The following ATP10B variants were observed in gnomAD, a reference collection of about 807,000 sequenced individuals.
ATP10B encodes ATPase phospholipid transporting 10B (putative).
ATP10B carries 122 observed loss-of-function variants against 141.2 expected under a neutral mutation model. That is an observed-to-expected ratio of 0.86 (90% CI 0.75 to 1.00). ATP10B has a LOEUF of 1.00. Ranked by LOEUF, ATP10B falls within the 50% of genes least tolerant of loss-of-function variation. The pLI, the probability that ATP10B is intolerant of heterozygous loss-of-function variation, is 0.00. For synonymous variants in ATP10B, 685 were observed against 692.0 expected, an observed-to-expected ratio of 0.99 and a Z score of 0.16; for missense variants, 1,876 against 1,825.3, an observed-to-expected ratio of 1.03 and a Z score of -0.51.
At chr5:160,586,736 C>G (rs1424021774) in intron 24 of ATP10B, among the ~76,000 whole-genome samples, 2 of 152,158 alleles carry the variant, frequency 1.3e-5, no homozygotes, top group East Asian at 3.8e-4. Flanking sequence ...TGATGTTGAG[C>G]TTTTTTTCAT....
At chr5:160,686,346 AC>A in intron 5 of ATP10B, 73 bp from the exon 6 acceptor site, 2 of 1,205,788 alleles carry the variant, frequency 1.7e-6, no homozygotes, top group South Asian at 3.9e-5. Flanking sequence ...TTTCTTCCCT[AC>A]TGTTTGGCCT....
chr5:160,808,239 GA>G (rs1283895421), intron 1 of ATP10B, among the ~76,000 whole-genome samples: 1 of 152,036 alleles, frequency 6.6e-6, no homozygotes. Flanking sequence ...GTTTGTGTAA[GA>G]AAAAAAGAAG....
chr5:160,723,144 T>A (rs982459119), intron 2 of ATP10B, among the ~76,000 whole-genome samples: 3 of 152,234 alleles, frequency 2.0e-5, no homozygotes, highest in Admixed American at 2.0e-4. Flanking sequence ...AGTGCCTATG[T>A]CAAGAGAGAT....
At chr5:160,893,338 T>A in the ATP10B span, among the ~76,000 whole-genome samples, 4 of 152,134 alleles carry the variant, frequency 2.6e-5, no homozygotes, top group African/African-American at 9.7e-5. Context: ...GAAGTCCACC[T>A]GGGATGCTTG....
At chr5:160,699,657 T>C (rs1764565907) in intron 3 of ATP10B, among the ~76,000 whole-genome samples, 1 of 152,060 alleles carries the variant, frequency 6.6e-6, no homozygotes, top group African/African-American at 2.4e-5. Context: ...ACTGATATGA[T>C]AGTGGCTGCC....
At position 160,588,278 on chromosome 5, in the gene ATP10B, G is replaced by A. The variant is rs571832181; in HGVS notation, c.3750+1314C>T. Among the ~76,000 whole-genome samples the A allele has an allele frequency of 2.0e-4, 31 of 152,208 alleles. No homozygotes were observed. The South Asian group carries it at 6.2e-3, about 31-fold the overall frequency. On this transcript the variant is annotated intron_variant, in intron 24 of 25. Coordinates refer to ENST00000327245, the MANE Select transcript of ATP10B (RefSeq NM_025153.3). ...GCCCTGGCCAGAACTTCAATACTAT[G>A]TTGAATAGGAGAGGGGGTTTTCAAA... is the stretch of plus-strand genomic sequence containing the variant.
intron 16 of ATP10B, among the ~76,000 whole-genome samples, chr5:160,616,468 T>C (rs1159305823): frequency 6.6e-6 from 1 of 152,188 alleles, no homozygotes; most frequent in African/African-American, 2.4e-5. Context: ...GGCAATGAAC[T>C]TGGCCTTCCT....
intron 24 of ATP10B, among the ~76,000 whole-genome samples, chr5:160,579,789 A>G (rs768178468): frequency 4.6e-5 from 7 of 152,142 alleles, no homozygotes; most frequent in Non-Finnish European, 1.0e-4. Context: ...GATTCTTCCT[A>G]TCCATGAGCA....
In ATP10B at chr5:160,606,973, G is replaced by A; in HGVS notation, c.2952C>T (p.Ser984=). The change falls in exon 19 of 26, where the codon TCC becomes TCT. Residue 984 remains serine (S), a synonymous_variant. Coordinates refer to ENST00000327245, the MANE Select transcript of ATP10B (RefSeq NM_025153.3). The part of the protein sequence containing the change: ...FGFRLPSKTP[S]ITSEAVVPEA... Reference sequence around the variant, plus strand: ...CTGGAACCACAGCTTCTGAGGTGATGGATGGTGTCTTGGAAGGTAAGCGGA... The same window carrying A: ...CTGGAACCACAGCTTCTGAGGTGATAGATGGTGTCTTGGAAGGTAAGCGGA... 2 of 1,614,164 alleles carry A rather than the reference G, an allele frequency of 1.2e-6. No homozygotes were observed. Among genetic ancestry groups the A allele is most frequent in the Non-Finnish European group, 1.7e-6 (2 of 1,180,020 alleles).
intron 21 of ATP10B, among the ~76,000 whole-genome samples, chr5:160,600,560 G>A (rs1355906684): frequency 6.6e-6 from 1 of 152,184 alleles, no homozygotes; most frequent in African/African-American, 2.4e-5. Context: ...ACATTCAATT[G>A]TTATTTGAAT....
At chr5:160,697,754 A>T (rs1764455604) in intron 3 of ATP10B, among the ~76,000 whole-genome samples, 1 of 152,160 alleles carries the variant, frequency 6.6e-6, no homozygotes, top group South Asian at 2.1e-4. Context: ...ATGTAATCCT[A>T]TAGAATGGGC....
intron 7 of ATP10B, among the ~76,000 whole-genome samples, chr5:160,659,460 G>A (rs561928459): frequency 1.5e-4 from 23 of 151,482 alleles, no homozygotes; most frequent in African/African-American, 3.4e-4. Context: ...GCAAGGCTCC[G>A]TCTCAAATAA....
chr5:160,610,393 G>T (rs1757655565), intron 18 of ATP10B, among the ~76,000 whole-genome samples: 2 of 152,156 alleles, frequency 1.3e-5, no homozygotes, highest in Admixed American at 1.3e-4. Context: ...CCCACCTGTT[G>T]AGCCGTCAGA....
intron 7 of ATP10B, among the ~76,000 whole-genome samples, chr5:160,650,161 CAT>C (rs916991065): frequency 1.3e-5 from 2 of 148,948 alleles, no homozygotes; most frequent in African/African-American, 2.5e-5. Context: ...CATATATATA[CAT>C]ATATATACAT....
At chr5:160,723,331 A>T (rs560152222) in intron 2 of ATP10B, among the ~76,000 whole-genome samples, 82 of 152,352 alleles carry the variant, frequency 5.4e-4, no homozygotes, top group African/African-American at 1.9e-3. Context: ...ATATATAAAG[A>T]AAAAATAAAC....
chr5:160,923,893 T>C, the ATP10B span, among the ~76,000 whole-genome samples: 79 of 152,252 alleles, frequency 5.2e-4, no homozygotes, highest in Admixed American at 1.6e-3. Flanking sequence ...AAAGAGAAAT[T>C]GGAAAAATGC....
At position 160,565,218 on chromosome 5, in the gene ATP10B, C is replaced by T. The variant is rs1754458245; in HGVS notation, c.*235G>A. On this transcript the variant is annotated 3_prime_UTR_variant, in exon 26 of 26. Coordinates refer to ENST00000327245, the MANE Select transcript of ATP10B (RefSeq NM_025153.3). ...GATTCAACAAAAACAGCCTCCTTCTCCAAACTGTTTGCAAGATGTGCTGCC... is the reference window on the plus strand; with the variant it reads ...GATTCAACAAAAACAGCCTCCTTCTTCAAACTGTTTGCAAGATGTGCTGCC... 1 of 553,396 alleles carries T rather than the reference C, an allele frequency of 1.8e-6. No individual in the cohort carries two copies. Among genetic ancestry groups the T allele is most frequent in the Non-Finnish European group, 3.2e-6 (1 of 311,320 alleles). 34.3% of individuals were successfully genotyped at this position (553,396 alleles called of 1,614,324 possible).
At chr5:160,573,252 A>T (rs909262934) in intron 24 of ATP10B, among the ~76,000 whole-genome samples, 1 of 152,222 alleles carries the variant, frequency 6.6e-6, no homozygotes, top group Non-Finnish European at 1.5e-5. Flanking sequence ...TATAGCTGGA[A>T]GGCAGCTGTC....
chr5:160,909,181 T>C, the ATP10B span, among the ~76,000 whole-genome samples: 1 of 152,156 alleles, frequency 6.6e-6, no homozygotes, highest in Admixed American at 6.5e-5. Context: ...AGATGGCACT[T>C]CAGCCCAGAC....
Sources: allele counts gnomAD v4.1 joint callset (sites outside exome capture counted in the v4.1 genomes callset), GRCh38; gene constraint gnomAD v4.1.1; transcripts MANE v1.5; gene names NCBI Gene and HGNC (gene_info 2026-07-23, HGNC 2026-07-21).